Variants in ARMC2 observed in about 807,000 individuals in gnomAD.
ARMC2 encodes the protein armadillo repeat containing 2.
ARMC2 carries 67 observed loss-of-function variants against 90.3 expected under a neutral mutation model. That is an observed-to-expected ratio of 0.74 (90% CI 0.61 to 0.91). The LOEUF (loss-of-function observed/expected upper bound fraction) is 0.91, where lower values mean the gene tolerates loss of function less well. Among genes scored for constraint, ARMC2 ranks in the 40% least tolerant of loss-of-function variants. The pLI is 0.00. For synonymous variants in ARMC2, 393 were observed against 393.0 expected (o/e 1.00, Z 0.00); for missense variants, 920 against 1,030.9 (o/e 0.89, Z 1.47).
chr6:108,941,745 C>T (rs994593789), intron 12 of ARMC2, among the ~76,000 whole-genome samples: 1 of 152,128 alleles, frequency 6.6e-6, no homozygotes, highest in African/African-American at 2.4e-5. Flanking sequence ...ACCGTGGTAT[C>T]GGCCCCCTCA....
At chr6:108,915,475 C>G (rs1178815908) in intron 10 of ARMC2, among the ~76,000 whole-genome samples, 1 of 152,112 alleles carries the variant, frequency 6.6e-6, no homozygotes, top group Non-Finnish European at 1.5e-5. Flanking sequence ...CCTCATATTA[C>G]AGAACTTCGC....
chr6:108,910,731 C>T, intron 8 of ARMC2, among the ~76,000 whole-genome samples, 168 bp from the exon 9 acceptor site: 1 of 152,108 alleles, frequency 6.6e-6, no homozygotes, highest in East Asian at 1.9e-4. Context: ...TAATTAGATA[C>T]CACAATTGGC....
chr6:109,000,399 T>G, the ARMC2 span: 29,408 of 961,358 alleles, frequency 0.031, 535 homozygotes, highest in Middle Eastern at 0.045. Context: ...AAATAGGAAC[T>G]CTCTGTACTT....
rs755156718 is a variant in ARMC2 at position 108,953,122 on chromosome 6, C to T, written c.1686C>T (p.Ser562=). The change falls in exon 13 of 18, where the codon AGC becomes AGT. Residue 562 remains serine, a synonymous_variant. Transcript: ENST00000392644. The part of the protein sequence containing the change: ...AREQFSKEKG[S]IQTLLSLFQT... ...AACAATTTTCCAAAGAGAAAGGGAG[C>T]ATCCAAACTCTGCTGTCATTATTCC... 1 of 1,613,952 alleles carries T rather than the reference C, an allele frequency of 6.2e-7. No individual in the cohort carries two copies. Among genetic ancestry groups the T allele is most frequent in the Non-Finnish European group, 8.5e-7 (1 of 1,179,880 alleles).
chr6:108,998,196 A>T, the ARMC2 span, among the ~76,000 whole-genome samples: 2 of 152,188 alleles, frequency 1.3e-5, no homozygotes, highest in African/African-American at 4.8e-5. Flanking sequence ...CCCTCATGTC[A>T]CTGCAGTAGC....
intron 4 of ARMC2, 36 bp downstream of exon 4, chr6:108,869,031 A>G: frequency 1.3e-6 from 2 of 1,533,350 alleles, no homozygotes; most frequent in South Asian, 1.2e-5. Context: ...CTCTGGGGAC[A>G]GGCATGCTTC....
chr6:108,954,338 C>T (rs1777412510), intron 13 of ARMC2, among the ~76,000 whole-genome samples: 1 of 152,132 alleles, frequency 6.6e-6, no homozygotes, highest in African/African-American at 2.4e-5. Flanking sequence ...AATCTTGCCA[C>T]TATTAGGTGG....
At chr6:108,902,563 ATTTC>A (rs771560441) in intron 7 of ARMC2, among the ~76,000 whole-genome samples, 2 of 152,236 alleles carry the variant, frequency 1.3e-5, no homozygotes, top group Non-Finnish European at 2.9e-5. Flanking sequence ...AGGCTAAGTC[ATTTC>A]CCATCAATTC....
the ARMC2 span, chr6:108,990,669 T>C: frequency 6.2e-7 from 1 of 1,613,962 alleles, no homozygotes; most frequent in Non-Finnish European, 8.5e-7. Context: ...GCAGTGAATA[T>C]AGTTCCAAAT....
At chr6:109,051,503 T>C in the ARMC2 span, among the ~76,000 whole-genome samples, 1 of 152,186 alleles carries the variant, frequency 6.6e-6, no homozygotes, top group Non-Finnish European at 1.5e-5. Flanking sequence ...GGTCCTCTTA[T>C]TACCTTTTTG....
rs868639889 is a variant in ARMC2, at chr6:108,953,261, C to T, written c.1825C>T (p.Arg609Cys). ...AGAGGACGTGCTCATCAAGCTGACTCGTGTGCTGGCCAACATTGCCATCCA... is the reference window on the plus strand; with the variant it reads ...AGAGGACGTGCTCATCAAGCTGACTTGTGTGCTGGCCAACATTGCCATCCA... Reference protein sequence around the residue: ...EAEDVLIKLTRVLANIAIHPG... With the variant: ...EAEDVLIKLTCVLANIAIHPG... Residue 609 changes from arginine to cysteine, a missense_variant, in exon 13 of 18, where the codon CGT becomes TGT. Transcript: ENST00000392644. 5 of 1,613,250 alleles carry T rather than the reference C, an allele frequency of 3.1e-6. No individual in the cohort carries two copies. Among genetic ancestry groups the T allele is most frequent in the East Asian group, 2.2e-5 (1 of 44,896 alleles).
At chr6:108,992,688 A>G in the ARMC2 span, 2 of 754,220 alleles carry the variant, frequency 2.7e-6, no homozygotes, top group Non-Finnish European at 4.7e-6. Flanking sequence ...CTGCCTGCAA[A>G]GCACTTAGCA....
chr6:109,046,328 G>A, the ARMC2 span, among the ~76,000 whole-genome samples: 2 of 151,962 alleles, frequency 1.3e-5, no homozygotes, highest in African/African-American at 2.4e-5. Flanking sequence ...CGAGTGATCC[G>A]CCAGCCTTGG....
At chr6:109,009,219 C>T in the ARMC2 span, 1 of 870,668 alleles carries the variant, frequency 1.1e-6, no homozygotes, top group Non-Finnish European at 1.5e-6. Context: ...GGGAGCCCGC[C>T]CTATCTGGGG....
chr6:108,951,686 T>C (rs1583199326), intron 12 of ARMC2, among the ~76,000 whole-genome samples: 1 of 152,220 alleles, frequency 6.6e-6, no homozygotes, highest in Admixed American at 6.5e-5. Flanking sequence ...CTCCCCAGTT[T>C]CCTGGCCACA....
intron 8 of ARMC2, chr6:108,907,588 G>A: frequency 6.5e-7 from 1 of 1,535,472 alleles, no homozygotes; most frequent in Admixed American, 1.7e-5. Context: ...GTGGGGTGGG[G>A]GGGTGCAGAG....
chr6:108,857,605 TTATCA>T (rs2128417954), intron 2 of ARMC2, among the ~76,000 whole-genome samples: 1 of 152,364 alleles, frequency 6.6e-6, no homozygotes, highest in Admixed American at 6.5e-5. Flanking sequence ...GGGAAAACTC[TTATCA>T]TAAAATATGA....
At position 108,878,081 on chromosome 6, in the gene ARMC2, CAAAA is replaced by C. The variant is rs369170826; in HGVS notation, c.671+1736_671+1739del. On this transcript the variant is annotated intron_variant, in intron 5 of 17. Transcript: ENST00000392644. ...GGGTGGAATTTTATTGGAGTGGTGCCAAAAAAAAGTTTACGTAGTAGGATTAAAA... is the reference window on the plus strand; with the variant it reads ...GGGTGGAATTTTATTGGAGTGGTGCCAAAAGTTTACGTAGTAGGATTAAAA... Among the ~76,000 whole-genome samples, 17 of 151,206 alleles carry C rather than the reference CAAAA, an allele frequency of 1.1e-4. No individual in the cohort carries two copies. The East Asian group carries it at 3.1e-3, about 28-fold the overall frequency.
chr6:108,961,554 A>G lies in ARMC2; in HGVS notation c.1916-18A>G. 1 of 1,594,102 alleles carries G rather than the reference A, an allele frequency of 6.3e-7. No homozygotes were observed. Among genetic ancestry groups the G allele is most frequent in the Non-Finnish European group, 8.5e-7 (1 of 1,170,814 alleles). ...CCTGCAGTGGGTCTTTGACTCCCTT[A>G]TCCTTACTTCATTTCAGAATACAAG... On this transcript the variant is annotated intron_variant, in intron 13 of 17. Transcript: ENST00000392644.
Sources: allele counts gnomAD v4.1 joint callset (sites outside exome capture counted in the v4.1 genomes callset), GRCh38; gene constraint gnomAD v4.1.1; transcripts MANE v1.5; gene names NCBI Gene and HGNC (gene_info 2026-07-23, HGNC 2026-07-21).